The following GRM1 variants were observed in gnomAD, a reference collection of about 807,000 sequenced individuals.
GRM1 encodes metabotropic glutamate receptor 1.
GRM1 carries 33 observed loss-of-function variants against 90.9 expected under a neutral mutation model. That is an observed-to-expected ratio of 0.36 (90% CI 0.28 to 0.49). GRM1 has a LOEUF of 0.49. Among genes scored for constraint, GRM1 ranks in the 20% least tolerant of loss-of-function variants. GRM1 has a pLI of 0.99. For synonymous variants in GRM1, 700 were observed against 613.2 expected, an observed-to-expected ratio of 1.14 and a Z score of -2.09; for missense variants, 1,190 against 1,534.3, an observed-to-expected ratio of 0.78 and a Z score of 3.75.
chr6:146,037,345 C>T (rs1018234084), intron 1 of GRM1, among the ~76,000 whole-genome samples: 1 of 151,902 alleles, frequency 6.6e-6, no homozygotes, highest in African/African-American at 2.4e-5. Context: ...CTTTAGGAAA[C>T]TTTCTTGTTA....
chr6:146,142,591 G>T (rs895957424), intron 1 of GRM1, among the ~76,000 whole-genome samples: 3 of 151,960 alleles, frequency 2.0e-5, no homozygotes, highest in East Asian at 3.9e-4. Context: ...CACCAGCTGC[G>T]CTGGCACTCA....
intron 2 of GRM1, among the ~76,000 whole-genome samples, chr6:146,266,065 T>G (rs929335259): frequency 1.3e-5 from 2 of 152,066 alleles, no homozygotes; most frequent in Non-Finnish European, 2.9e-5. Context: ...GGTGCGTGCC[T>G]GTAATCCCAG....
chr6:146,276,159 A>C (rs1583261108), intron 2 of GRM1, among the ~76,000 whole-genome samples: 2 of 152,180 alleles, frequency 1.3e-5, no homozygotes, highest in East Asian at 3.9e-4. Flanking sequence ...GCTATCTTAA[A>C]ATTTATTTTA....
chr6:146,366,476 A>T (rs1046736573), intron 5 of GRM1, among the ~76,000 whole-genome samples: 3 of 152,044 alleles, frequency 2.0e-5, no homozygotes, highest in Non-Finnish European at 4.4e-5. Flanking sequence ...CGCATTAACC[A>T]GTCTCTCTTC....
At position 146,368,339 on chromosome 6, in the gene GRM1, C is replaced by T. The variant is rs1214141255; in HGVS notation, c.1602+10645C>T. ...CAAACAAGTTCAATTTGACTTCTTCCTTTCCAATTTGGATGCCCTTTATTA... is the reference window on the plus strand; with the variant it reads ...CAAACAAGTTCAATTTGACTTCTTCTTTTCCAATTTGGATGCCCTTTATTA... On this transcript the variant is annotated intron_variant, in intron 5 of 7. Coordinates refer to ENST00000282753, the MANE Select transcript of GRM1 (RefSeq NM_001278064.2). Among the ~76,000 whole-genome samples the T allele has an allele frequency of 6.6e-5, 10 of 151,318 alleles. No individual in the cohort carries two copies. The South Asian group carries it at 2.1e-3, about 32-fold the overall frequency.
At chr6:146,185,819 T>C (rs1396771100) in intron 2 of GRM1, among the ~76,000 whole-genome samples, 2 of 152,228 alleles carry the variant, frequency 1.3e-5, no homozygotes, top group Non-Finnish European at 2.9e-5. Context: ...TATTGTCCAT[T>C]GCAGATACTT....
chr6:146,086,825 T>C (rs1776561875), intron 1 of GRM1, among the ~76,000 whole-genome samples: 1 of 152,070 alleles, frequency 6.6e-6, no homozygotes. Context: ...AGTCATTCCC[T>C]ACTCTAATTC....
intron 2 of GRM1, among the ~76,000 whole-genome samples, chr6:146,230,081 C>T (rs916510679): frequency 3.9e-5 from 6 of 152,134 alleles, no homozygotes; most frequent in African/African-American, 9.7e-5. Context: ...TAAAGTGAAG[C>T]TCTGTAGATC....
At chr6:146,225,787 A>G (rs1348498712) in intron 2 of GRM1, among the ~76,000 whole-genome samples, 1 of 152,176 alleles carries the variant, frequency 6.6e-6, no homozygotes, top group Non-Finnish European at 1.5e-5. Flanking sequence ...TCAAAATAAT[A>G]GAAATTTTAT....
intron 1 of GRM1, among the ~76,000 whole-genome samples, chr6:146,123,121 G>A (rs1297357821): frequency 6.6e-6 from 1 of 151,990 alleles, no homozygotes; most frequent in Non-Finnish European, 1.5e-5. Context: ...GGGATTACAC[G>A]TGTGAGCCAC....
chr6:146,251,937 C>G (rs1275830115), intron 2 of GRM1, among the ~76,000 whole-genome samples: 2 of 152,148 alleles, frequency 1.3e-5, no homozygotes, highest in Admixed American at 6.5e-5. Context: ...AGGGCTCATG[C>G]CTTCACCTCC....
chr6:146,400,460 G>A (rs1777118308), intron 7 of GRM1, among the ~76,000 whole-genome samples: 2 of 152,168 alleles, frequency 1.3e-5, no homozygotes, highest in Non-Finnish European at 2.9e-5. Flanking sequence ...GAGACTTTGT[G>A]TGAACATTAA....
At chr6:146,306,242 T>C (rs1362087074) in intron 3 of GRM1, among the ~76,000 whole-genome samples, 3 of 152,190 alleles carry the variant, frequency 2.0e-5, no homozygotes, top group African/African-American at 7.2e-5. Flanking sequence ...TTCTACTTTC[T>C]CTGAAATAAT....
intron 1 of GRM1, among the ~76,000 whole-genome samples, chr6:146,068,489 A>G (rs1209856914): frequency 1.3e-5 from 2 of 152,092 alleles, no homozygotes; most frequent in African/African-American, 4.8e-5. Flanking sequence ...TTATTCCCCC[A>G]TTCTCCTGAG....
chr6:146,327,684 T>C, intron 3 of GRM1, among the ~76,000 whole-genome samples: 1 of 152,004 alleles, frequency 6.6e-6, no homozygotes, highest in East Asian at 1.9e-4. Flanking sequence ...TCCTCAGAGG[T>C]CTGGGAAACT....
intron 2 of GRM1, among the ~76,000 whole-genome samples, chr6:146,281,033 G>GTAA (rs1326304120): frequency 6.6e-6 from 1 of 151,940 alleles, no homozygotes; most frequent in Non-Finnish European, 1.5e-5. Context: ...TTTGTTTATA[G>GTAA]GTAACTTACT....
chr6:146,414,476 G>A (rs551402350), intron 7 of GRM1, among the ~76,000 whole-genome samples: 9 of 151,662 alleles, frequency 5.9e-5, no homozygotes, highest in East Asian at 3.9e-4. Context: ...CGATCTCGGC[G>A]CACTGCAAGC....
At chr6:146,041,047 T>C (rs1791082400) in intron 1 of GRM1, among the ~76,000 whole-genome samples, 1 of 152,156 alleles carries the variant, frequency 6.6e-6, no homozygotes, top group East Asian at 1.9e-4. Flanking sequence ...CTGATGCATT[T>C]TTTTTGATTC....
intron 1 of GRM1, among the ~76,000 whole-genome samples, chr6:146,109,301 C>A (rs1381116968): frequency 6.6e-6 from 1 of 152,142 alleles, no homozygotes; most frequent in Non-Finnish European, 1.5e-5. Flanking sequence ...AGTCTAGGGA[C>A]TTGATGCCCT....
Sources: allele counts gnomAD v4.1 joint callset (sites outside exome capture counted in the v4.1 genomes callset), GRCh38; gene constraint gnomAD v4.1.1; transcripts MANE v1.5; gene names NCBI Gene and HGNC (gene_info 2026-07-23, HGNC 2026-07-21).